STK38: variants seen among roughly 807,000 people sequenced by gnomAD.
STK38 encodes serine/threonine-protein kinase 38.
A neutral mutation model predicts 59.0 loss-of-function variants in STK38; 26 were observed. That is an observed-to-expected ratio of 0.44 (90% CI 0.32 to 0.61). The LOEUF (loss-of-function observed/expected upper bound fraction) is 0.61. Ranked by LOEUF, STK38 falls within the 20% of genes least tolerant of loss-of-function variation. The pLI is 0.04. For synonymous variants in STK38, 175 were observed against 176.6 expected (o/e 0.99, Z 0.07); for missense variants, 433 against 566.0 (o/e 0.76, Z 2.38).
At chr6:36,499,331 G>A (rs1342868175) in intron 10 of STK38, among the ~76,000 whole-genome samples, 1 of 152,064 alleles carries the variant, frequency 6.6e-6, no homozygotes, top group Admixed American at 6.6e-5. Flanking sequence ...ACCTCCACAG[G>A]CATCGTTCCC....
At chr6:36,518,061 T>TA (rs1777297344) in intron 5 of STK38, among the ~76,000 whole-genome samples, 1 of 152,234 alleles carries the variant, frequency 6.6e-6, no homozygotes, top group Admixed American at 6.5e-5. Context: ...TGAAAGGCTT[T>TA]AAAAAATGGC....
intron 4 of STK38, 132 bp downstream of exon 4, chr6:36,524,209 G>T: frequency 9.6e-7 from 1 of 1,044,772 alleles, no homozygotes; most frequent in Non-Finnish European, 1.3e-6. Context: ...AAGCAATTAG[G>T]ATGTGGGGCT....
intron 1 of STK38, among the ~76,000 whole-genome samples, chr6:36,545,210 T>G (rs906358783): frequency 6.8e-6 from 1 of 147,632 alleles, no homozygotes; most frequent in African/African-American, 2.5e-5. Flanking sequence ...GGAGAATCGC[T>G]TGAACCCTGG....
chr6:36,535,509 C>T (rs186073979), intron 2 of STK38, among the ~76,000 whole-genome samples: 1 of 152,088 alleles, frequency 6.6e-6, no homozygotes, highest in Admixed American at 6.6e-5. Flanking sequence ...TCTGCAATGT[C>T]CATGTAACAG....
At chr6:36,524,228 T>C (rs1777452994) in intron 4 of STK38, 113 bp downstream of exon 4, 2 of 1,316,432 alleles carry the variant, frequency 1.5e-6, no homozygotes, top group Non-Finnish European at 2.0e-6. Context: ...CTGGCATGCC[T>C]GACTCATTTA....
rs759206349 is a variant in STK38, at chr6:36,506,672, C to CA, written c.773-29dup. 3.1e-6 allele frequency: 5 copies of CA among 1,606,736 alleles called. No individual in the cohort carries two copies. In the East Asian group the frequency reaches 1.1e-4, roughly 36 times the overall value. ...GAAAGTAAAGAATACAAGCTGCAGT[C>CA]AAAGTTCAGACCAAAATGTTTACTA... On this transcript the variant is annotated intron_variant, in intron 8 of 13. Coordinates refer to ENST00000229812, the MANE Select transcript of STK38 (RefSeq NM_007271.4).
intron 2 of STK38, among the ~76,000 whole-genome samples, chr6:36,530,877 A>ACGGGGTTT (rs1777652987): frequency 6.6e-6 from 1 of 151,498 alleles, no homozygotes. Flanking sequence ...TTTAGTAGAC[A>ACGGGGTTT]CGGGGTTTCA....
intron 5 of STK38, among the ~76,000 whole-genome samples, 173 bp from the exon 6 acceptor site, chr6:36,518,013 T>C (rs1042325671): frequency 5.3e-5 from 8 of 152,190 alleles, no homozygotes; most frequent in African/African-American, 1.7e-4. Flanking sequence ...ATTGACAACA[T>C]TTGACTTCAA....
intron 6 of STK38, among the ~76,000 whole-genome samples, chr6:36,517,056 CA>C (rs1448062942): frequency 6.6e-6 from 1 of 152,036 alleles, no homozygotes. Flanking sequence ...AGGGTTGTCA[CA>C]AAATCAAAAT....
intron 5 of STK38, among the ~76,000 whole-genome samples, chr6:36,518,468 A>C: frequency 6.6e-6 from 1 of 152,248 alleles, no homozygotes. Context: ...TTATTTTGTT[A>C]AAGCAATGCT....
At position 36,499,421 on chromosome 6, in the gene STK38, T is replaced by C. The variant is rs577796972; in HGVS notation, c.952+452A>G. Reference sequence around the variant, plus strand: ...ACTTAATCTAGTGCTCACTGGCATATGACCACCCCCACAGATGCGTCCCAT... The same window carrying C: ...ACTTAATCTAGTGCTCACTGGCATACGACCACCCCCACAGATGCGTCCCAT... On this transcript the variant is annotated intron_variant, in intron 10 of 13. Transcript: ENST00000229812. Among the ~76,000 whole-genome samples the C allele has an allele frequency of 1.2e-3, 184 of 152,224 alleles. 1 individual carries two copies. The highest frequency in any genetic ancestry group is 3.9e-3 in the African/African-American group (162 of 41,520).
chr6:36,518,977 T>C (rs1270213081), intron 5 of STK38, among the ~76,000 whole-genome samples: 3 of 152,350 alleles, frequency 2.0e-5, no homozygotes, highest in African/African-American at 2.4e-5. Flanking sequence ...GCTTGTTTTA[T>C]TGACATGTCT....
chr6:36,539,918 G>A (rs532257758), intron 2 of STK38, among the ~76,000 whole-genome samples, 154 bp downstream of exon 2: 1 of 151,970 alleles, frequency 6.6e-6, no homozygotes, highest in African/African-American at 2.4e-5. Flanking sequence ...GTTAATGGCA[G>A]GGACTTTGAA....
At chr6:36,518,618 C>A (rs1007546232) in intron 5 of STK38, among the ~76,000 whole-genome samples, 1 of 152,098 alleles carries the variant, frequency 6.6e-6, no homozygotes, top group Non-Finnish European at 1.5e-5. Context: ...AGTGCAGTGG[C>A]GTGATCATAG....
At chr6:36,547,016 G>T (rs556850858) in intron 1 of STK38, among the ~76,000 whole-genome samples, 174 bp downstream of exon 1, 1 of 152,168 alleles carries the variant, frequency 6.6e-6, no homozygotes, top group African/African-American at 2.4e-5. Context: ...GGAGACGGGG[G>T]AAGAAGGGGG....
At chr6:36,529,749 G>A (rs1319895652) in intron 2 of STK38, among the ~76,000 whole-genome samples, 1 of 152,168 alleles carries the variant, frequency 6.6e-6, no homozygotes, top group African/African-American at 2.4e-5. Flanking sequence ...ATTTTAAAAA[G>A]TCAGAATGTA....
At chr6:36,507,274 A>G (rs371505074) in intron 8 of STK38, among the ~76,000 whole-genome samples, 2 of 152,146 alleles carry the variant, frequency 1.3e-5, no homozygotes, top group East Asian at 1.9e-4. Context: ...CCTTCCCAGT[A>G]GACCTCTAAA....
chr6:36,545,536 C>A (rs1422379698), intron 1 of STK38, among the ~76,000 whole-genome samples: 3 of 152,000 alleles, frequency 2.0e-5, no homozygotes, highest in Non-Finnish European at 1.5e-5. Context: ...TCCCTTTGAC[C>A]TTTCTTTAAA....
chr6:36,522,041 C>G, intron 4 of STK38: 1 of 340,108 alleles, frequency 2.9e-6, no homozygotes, highest in Non-Finnish European at 5.3e-6. Context: ...TACATCTGAA[C>G]AGCTTTGGTT....
Sources: gnomAD v4.1 joint callset for allele counts (sites outside exome capture counted in the v4.1 genomes callset) on GRCh38, gnomAD v4.1.1 for gene constraint, MANE v1.5 for transcripts, NCBI Gene and HGNC (gene_info 2026-07-23, HGNC 2026-07-21) for gene names.